The following STARD3NL variants were observed in gnomAD, a reference collection of about 807,000 sequenced individuals.
STARD3NL encodes the protein STARD3 N-terminal like.
In STARD3NL, 17 loss-of-function variants were observed where a neutral mutation model predicts 30.9. The ratio of observed to expected loss-of-function variants is 0.55; its 90% CI spans 0.38 to 0.82. STARD3NL has a LOEUF of 0.82. Among genes scored for constraint, STARD3NL ranks in the 40% least tolerant of loss-of-function variants. STARD3NL has a pLI of 0.00. For missense variants in STARD3NL, 234 were observed against 277.6 expected (o/e 0.84, Z 1.12); for synonymous variants, 112 against 100.5 (o/e 1.11, Z -0.69).
At chr7:38,210,131 C>G (rs1271572415) in intron 2 of STARD3NL, among the ~76,000 whole-genome samples, 1 of 152,140 alleles carries the variant, frequency 6.6e-6, no homozygotes, top group African/African-American at 2.4e-5. Flanking sequence ...CTGTAACTCT[C>G]TAATCATTCA....
chr7:38,217,441 T>C (rs1786189129), intron 6 of STARD3NL, 136 bp downstream of exon 6: 1 of 749,140 alleles, frequency 1.3e-6, no homozygotes, highest in African/African-American at 1.7e-5. Context: ...CTTTAGTGGC[T>C]ACAGCAGAAA....
chr7:38,191,805 G>A (rs968471203), intron 1 of STARD3NL, among the ~76,000 whole-genome samples: 6 of 151,938 alleles, frequency 3.9e-5, no homozygotes, highest in Admixed American at 1.3e-4. Flanking sequence ...GAGTCTTTAA[G>A]CTAGGTAATG....
chr7:38,197,886 T>C (rs1381315025), intron 1 of STARD3NL, among the ~76,000 whole-genome samples: 1 of 152,252 alleles, frequency 6.6e-6, no homozygotes, highest in Admixed American at 6.5e-5. Flanking sequence ...TTCCTACTTC[T>C]AGCTGCTTCA....
chr7:38,194,425 G>T (rs1351329492), intron 1 of STARD3NL, among the ~76,000 whole-genome samples: 2 of 151,914 alleles, frequency 1.3e-5, no homozygotes, highest in African/African-American at 4.8e-5. Flanking sequence ...TTTACTAATT[G>T]TATTCATTGT....
At chr7:38,216,987 T>G in intron 4 of STARD3NL, 38 bp from the exon 5 acceptor site, 2 of 1,610,180 alleles carry the variant, frequency 1.2e-6, no homozygotes, top group Middle Eastern at 1.7e-4. Context: ...CAGTGTGAGA[T>G]GCCTAGTGTG....
chr7:38,192,734 T>G (rs1284153344), intron 1 of STARD3NL, among the ~76,000 whole-genome samples: 2 of 152,180 alleles, frequency 1.3e-5, no homozygotes, highest in Non-Finnish European at 2.9e-5. Context: ...AACTAAGTGC[T>G]TTTTTAAAAA....
At chr7:38,183,542 A>G (rs368758128) in intron 1 of STARD3NL, among the ~76,000 whole-genome samples, 2 of 152,152 alleles carry the variant, frequency 1.3e-5, no homozygotes, top group African/African-American at 2.4e-5. Context: ...TTCTGTTTCT[A>G]TATACTTGTA....
At chr7:38,222,424 C>T (rs970705799) in intron 7 of STARD3NL, among the ~76,000 whole-genome samples, 11 of 152,106 alleles carry the variant, frequency 7.2e-5, no homozygotes, top group Admixed American at 3.9e-4. Flanking sequence ...TGTTTATTAC[C>T]TCATAAGGAT....
chr7:38,202,403 C>T (rs1227256937), intron 1 of STARD3NL, among the ~76,000 whole-genome samples: 1 of 152,116 alleles, frequency 6.6e-6, no homozygotes, highest in South Asian at 2.1e-4. Context: ...GACATCTGTA[C>T]AGAACCCCAG....
At chr7:38,214,742 C>T (rs931636411) in intron 3 of STARD3NL, among the ~76,000 whole-genome samples, 1 of 152,174 alleles carries the variant, frequency 6.6e-6, no homozygotes, top group African/African-American at 2.4e-5. Context: ...CATATCTAGT[C>T]ACTGAAAGGA....
intron 1 of STARD3NL, chr7:38,202,150 C>T (rs1785212074): frequency 6.6e-6 from 1 of 152,230 alleles, no homozygotes; most frequent in South Asian, 2.1e-4. Flanking sequence ...TATGTTGTTG[C>T]TGTACCTTCC....
intron 6 of STARD3NL, 94 bp downstream of exon 6, chr7:38,217,399 G>T: frequency 1.7e-6 from 2 of 1,180,256 alleles, no homozygotes; most frequent in Non-Finnish European, 2.5e-6. Flanking sequence ...GGCTGCAAAT[G>T]GGTAGAGTTA....
At chr7:38,223,219 TTTTAGTACCAC>T (rs1786567192) in intron 7 of STARD3NL, among the ~76,000 whole-genome samples, 3 of 152,222 alleles carry the variant, frequency 2.0e-5, no homozygotes, top group Non-Finnish European at 4.4e-5. Context: ...GCAGCCTGAA[TTTTAGTACCAC>T]AGGGATAGCA....
chr7:38,211,557 TA>T (rs2116290451), intron 2 of STARD3NL, among the ~76,000 whole-genome samples: 1 of 152,244 alleles, frequency 6.6e-6, no homozygotes, highest in East Asian at 1.9e-4. Context: ...ATTGAATAGG[TA>T]GGCTGGTGCT....
Sources: allele counts gnomAD v4.1 joint callset (sites outside exome capture counted in the v4.1 genomes callset), GRCh38; gene constraint gnomAD v4.1.1; transcripts MANE v1.5; gene names NCBI Gene and HGNC (gene_info 2026-07-23, HGNC 2026-07-21).